Variants in PHF24 observed in about 807,000 individuals in gnomAD.
PHF24 encodes the protein Galpha inhibitory interacting protein.
A neutral mutation model predicts 42.6 loss-of-function variants in PHF24; 25 were observed. That is an observed-to-expected ratio of 0.59 (90% CI 0.43 to 0.82). The LOEUF (loss-of-function observed/expected upper bound fraction) is 0.82. PHF24 is among the 40% of genes least tolerant of loss of function. The pLI, the probability that PHF24 is intolerant of heterozygous loss-of-function variation, is 0.00. For missense variants in PHF24, 470 were observed against 538.1 expected (o/e 0.87, Z 1.25); for synonymous variants, 185 against 204.8 (o/e 0.90, Z 0.83).
the PHF24 span, chr9:34,917,087 G>A: frequency 4.1e-6 from 3 of 728,822 alleles, no homozygotes; most frequent in Non-Finnish European, 7.6e-6. Flanking sequence ...GAGCAGCACA[G>A]AGGCCTCCTC....
chr9:34,965,053 C>CT (rs1826721759), intron 1 of PHF24, among the ~76,000 whole-genome samples: 1 of 152,192 alleles, frequency 6.6e-6, no homozygotes, highest in African/African-American at 2.4e-5. Context: ...TTAACTCTCT[C>CT]TTTTTCCTAG....
chr9:34,770,673 G>C, the PHF24 span, among the ~76,000 whole-genome samples: 1 of 152,042 alleles, frequency 6.6e-6, no homozygotes, highest in Non-Finnish European at 1.5e-5. Context: ...TAGAAGAAAA[G>C]AAGTTAGGGG....
the PHF24 span, among the ~76,000 whole-genome samples, chr9:34,822,431 A>G: frequency 1.3e-5 from 2 of 152,234 alleles, no homozygotes; most frequent in Non-Finnish European, 2.9e-5. Context: ...TTCATATTTT[A>G]AAGTTCACAA....
At chr9:34,695,376 T>G in the PHF24 span, among the ~76,000 whole-genome samples, 1 of 152,242 alleles carries the variant, frequency 6.6e-6, no homozygotes, top group African/African-American at 2.4e-5. Flanking sequence ...CCTCACTCTA[T>G]GCATCCCTTT....
the PHF24 span, among the ~76,000 whole-genome samples, chr9:34,809,959 C>G: frequency 1.3e-5 from 2 of 148,736 alleles, no homozygotes; most frequent in African/African-American, 4.9e-5. The surrounding 1 kb of genome is among the most constrained non-coding windows in gnomAD (Gnocchi z 4.1). Flanking sequence ...ACGCAGCGCG[C>G]GCCCACCTGC....
the PHF24 span, chr9:34,726,408 T>A: frequency 1.9e-6 from 3 of 1,548,860 alleles, no homozygotes; most frequent in Non-Finnish European, 2.6e-6. Context: ...GGGAGGACCA[T>A]ATGCAAGGCC....
At chr9:34,897,902 C>A in the PHF24 span, among the ~76,000 whole-genome samples, 1 of 152,204 alleles carries the variant, frequency 6.6e-6, no homozygotes, top group Non-Finnish European at 1.5e-5. Context: ...TTAGCTCCAA[C>A]GTATCAGTGA....
chr9:34,909,405 G>C, the PHF24 span, among the ~76,000 whole-genome samples: 2 of 151,964 alleles, frequency 1.3e-5, no homozygotes, highest in African/African-American at 4.8e-5. Flanking sequence ...ATGGACCATT[G>C]ACATTTCACG....
chr9:34,944,849 T>C, the PHF24 span, among the ~76,000 whole-genome samples: 2 of 145,314 alleles, frequency 1.4e-5, no homozygotes, highest in Non-Finnish European at 3.0e-5. Context: ...GGATAGCCAC[T>C]GCACTTCAGC....
chr9:34,771,754 A>C, the PHF24 span, among the ~76,000 whole-genome samples: 2 of 152,212 alleles, frequency 1.3e-5, no homozygotes, highest in Non-Finnish European at 2.9e-5. Flanking sequence ...TCTAGAGAGA[A>C]ACCTAACAGC....
chr9:34,682,284 T>A, the PHF24 span, among the ~76,000 whole-genome samples: 1 of 151,510 alleles, frequency 6.6e-6, no homozygotes, highest in Admixed American at 6.6e-5. Flanking sequence ...CTGGCCCATC[T>A]TGGCACTTTT....
the PHF24 span, chr9:34,709,430 G>A: frequency 6.2e-7 from 1 of 1,612,498 alleles, no homozygotes; most frequent in African/African-American, 1.3e-5. Flanking sequence ...GCTCAGTCCT[G>A]TGAGGGCAGA....
chr9:34,849,890 G>C, the PHF24 span, among the ~76,000 whole-genome samples: 1 of 152,006 alleles, frequency 6.6e-6, no homozygotes, highest in Non-Finnish European at 1.5e-5. Context: ...TGAAATTCTG[G>C]GTTGAAAATT....
the PHF24 span, among the ~76,000 whole-genome samples, chr9:34,938,869 G>A: frequency 1.7e-3 from 251 of 149,832 alleles, no homozygotes; most frequent in African/African-American, 5.3e-3. Flanking sequence ...CCCAAGAGGC[G>A]GAGCTTGCAG....
chr9:34,923,041 T>C, the PHF24 span: 1 of 415,314 alleles, frequency 2.4e-6, no homozygotes. Flanking sequence ...TTTTTAAGTT[T>C]TGTTTTTGTT....
the PHF24 span, among the ~76,000 whole-genome samples, chr9:34,936,444 C>T: frequency 6.6e-6 from 1 of 152,148 alleles, no homozygotes; most frequent in East Asian, 1.9e-4. Flanking sequence ...AGCCGCCTGC[C>T]TTGGCCTCCC....
chr9:34,826,373 A>G, the PHF24 span, among the ~76,000 whole-genome samples: 191 of 152,226 alleles, frequency 1.3e-3, no homozygotes, highest in Non-Finnish European at 2.2e-3. Context: ...CCTTCCATCT[A>G]TGGCAGGCCT....
chr9:34,973,805 CT>C (rs947214243), intron 3 of PHF24, among the ~76,000 whole-genome samples: 1 of 152,078 alleles, frequency 6.6e-6, no homozygotes, highest in African/African-American at 2.4e-5. Flanking sequence ...ATCTCGGCCA[CT>C]CTGCTTTGCG....
the PHF24 span, among the ~76,000 whole-genome samples, chr9:34,849,302 A>G: frequency 2.0e-5 from 3 of 152,074 alleles, no homozygotes; most frequent in East Asian, 1.9e-4. Context: ...GGGTGCCTAT[A>G]TATTTAGGAT....
Sources: allele counts gnomAD v4.1 joint callset (sites outside exome capture counted in the v4.1 genomes callset), GRCh38; gene constraint gnomAD v4.1.1; non-coding constraint Gnocchi (gnomAD v3.1); transcripts MANE v1.5; gene names NCBI Gene and HGNC (gene_info 2026-07-23, HGNC 2026-07-21).